The following EPHA6 variants were observed in gnomAD, a reference collection of about 807,000 sequenced individuals.
The protein encoded by EPHA6 is EPH receptor A6, also known as ephrin type-A receptor 6.
Under a neutral mutation model 112.0 loss-of-function variants are expected in EPHA6, and 50 were observed. The ratio of observed to expected loss-of-function variants is 0.45; its 90% CI spans 0.36 to 0.56. EPHA6 has a LOEUF of 0.56. EPHA6 is among the 20% of genes least tolerant of loss of function. The probability of loss-of-function intolerance (pLI) is 0.00; values close to 1 mark genes in which losing one functional copy is unlikely to be tolerated. For missense variants in EPHA6, 1,280 were observed against 1,417.4 expected (o/e 0.90, Z 1.56); for synonymous variants, 529 against 490.7 (o/e 1.08, Z -1.03).
intron 10 of EPHA6, among the ~76,000 whole-genome samples, chr3:97,484,953 T>C (rs1278729703): frequency 6.6e-6 from 1 of 152,228 alleles, no homozygotes; most frequent in East Asian, 1.9e-4. Flanking sequence ...AACAATAACA[T>C]GGACATACTT....
intron 2 of EPHA6, among the ~76,000 whole-genome samples, chr3:96,902,256 T>C (rs1190762244): frequency 2.0e-5 from 3 of 152,174 alleles, no homozygotes; most frequent in Non-Finnish European, 4.4e-5. Context: ...GTATCATCAG[T>C]CTTATCTAGT....
chr3:97,446,125 C>G (rs2090337638), intron 6 of EPHA6, among the ~76,000 whole-genome samples: 1 of 152,146 alleles, frequency 6.6e-6, no homozygotes, highest in Non-Finnish European at 1.5e-5. Context: ...CTATGCATAT[C>G]ATAGACAAAA....
At chr3:97,598,975 G>A (rs1229417567) in intron 12 of EPHA6, among the ~76,000 whole-genome samples, 1 of 151,666 alleles carries the variant, frequency 6.6e-6, no homozygotes, top group Non-Finnish European at 1.5e-5. Flanking sequence ...GTGTGAGATG[G>A]TATCTCATTG....
intron 3 of EPHA6, among the ~76,000 whole-genome samples, chr3:97,200,579 G>T (rs541751789): frequency 2.0e-5 from 3 of 152,232 alleles, no homozygotes; most frequent in African/African-American, 7.2e-5. Flanking sequence ...AAAGCATGCA[G>T]ACTCAGCATT....
rs2043067007 is a variant in EPHA6, at chr3:96,987,549, A to G, written c.670A>G (p.Met224Val). The change falls in exon 3 of 18, where the codon ATG (methionine) becomes GTG (valine). Residue 224 changes from methionine (M) to valine (V), a missense_variant. Met to Val is a conservative substitution (Grantham distance 21). Coordinates refer to ENST00000389672, the MANE Select transcript of EPHA6 (RefSeq NM_001080448.3). ...TCKETFNLFY[M>V]ESDESHGIKF... ...CAAAGAAACATTTAATCTGTTTTATATGGAATCAGATGAGTCCCACGGAAT... is the reference window on the plus strand; with the variant it reads ...CAAAGAAACATTTAATCTGTTTTATGTGGAATCAGATGAGTCCCACGGAAT... 3.7e-6 allele frequency: 6 copies of G among 1,613,800 alleles called. No individual in the cohort carries two copies. The highest frequency in any genetic ancestry group is 1.7e-5 in the Admixed American group (1 of 59,990).
intron 11 of EPHA6, among the ~76,000 whole-genome samples, chr3:97,548,143 G>A (rs371001942): frequency 2.5e-4 from 38 of 152,146 alleles, no homozygotes; most frequent in African/African-American, 6.3e-4. Flanking sequence ...AAAATCACCC[G>A]TCTTCTGTGT....
chr3:96,822,412 A>G (rs919444793), intron 1 of EPHA6, among the ~76,000 whole-genome samples: 4 of 151,810 alleles, frequency 2.6e-5, no homozygotes, highest in African/African-American at 9.7e-5. Flanking sequence ...TGAAAAATAT[A>G]TTGAGCTAGT....
chr3:97,338,548 C>T (rs1350652741), intron 5 of EPHA6, among the ~76,000 whole-genome samples: 1 of 152,108 alleles, frequency 6.6e-6, no homozygotes, highest in Non-Finnish European at 1.5e-5. Flanking sequence ...TCAAATGAAT[C>T]ATTCTGTAAA....
chr3:97,549,707 G>A (rs1560126917), intron 11 of EPHA6, among the ~76,000 whole-genome samples: 1 of 152,094 alleles, frequency 6.6e-6, no homozygotes, highest in Non-Finnish European at 1.5e-5. Context: ...CTACTCAGGA[G>A]GCTGAGGCAG....
At chr3:96,849,822 C>T (rs144788269) in intron 1 of EPHA6, among the ~76,000 whole-genome samples, 1 of 151,820 alleles carries the variant, frequency 6.6e-6, no homozygotes, top group East Asian at 1.9e-4. Flanking sequence ...GTAATAAGGC[C>T]GTTAAAAAAA....
chr3:97,608,089 A>T (rs1236663693), intron 12 of EPHA6, among the ~76,000 whole-genome samples: 2 of 140,004 alleles, frequency 1.4e-5, no homozygotes, highest in South Asian at 2.2e-4. Flanking sequence ...GAGCAATAGT[A>T]AAAAAAAAAA....
At chr3:97,607,000 G>A (rs887628956) in intron 12 of EPHA6, among the ~76,000 whole-genome samples, 1 of 150,908 alleles carries the variant, frequency 6.6e-6, no homozygotes, top group Admixed American at 6.6e-5. Flanking sequence ...TTAAATAACT[G>A]AATGACTTAA....
At chr3:97,094,512 G>A (rs1270566867) in intron 3 of EPHA6, among the ~76,000 whole-genome samples, 1 of 152,130 alleles carries the variant, frequency 6.6e-6, no homozygotes, top group Non-Finnish European at 1.5e-5. Context: ...TTGTGTTGTT[G>A]CATTAGTTTA....
chr3:96,922,379 G>T (rs1279204621), intron 2 of EPHA6, among the ~76,000 whole-genome samples: 1 of 152,112 alleles, frequency 6.6e-6, no homozygotes, highest in Non-Finnish European at 1.5e-5. Flanking sequence ...GAACTGTTCA[G>T]ATGAAAAAGG....
chr3:97,285,122 T>G (rs773648298), intron 5 of EPHA6, among the ~76,000 whole-genome samples: 6 of 152,146 alleles, frequency 3.9e-5, no homozygotes, highest in Non-Finnish European at 7.4e-5. Context: ...ATACCACGAC[T>G]CTTCATCTTT....
chr3:96,862,602 A>G (rs1048235435), intron 1 of EPHA6, among the ~76,000 whole-genome samples: 1 of 151,854 alleles, frequency 6.6e-6, no homozygotes, highest in African/African-American at 2.4e-5. Context: ...GTAATTTTTC[A>G]AAGTGATATA....
chr3:96,912,006 G>A (rs958734766), intron 2 of EPHA6, among the ~76,000 whole-genome samples: 49 of 151,902 alleles, frequency 3.2e-4, no homozygotes, highest in Middle Eastern at 3.2e-3. Flanking sequence ...CAGAAAATAT[G>A]CATCTTAAAT....
chr3:97,255,402 A>G (rs2079278262), intron 5 of EPHA6, among the ~76,000 whole-genome samples: 2 of 152,134 alleles, frequency 1.3e-5, no homozygotes, highest in African/African-American at 4.8e-5. Context: ...TATCCCAAAT[A>G]ATGTGCAGGT....
At chr3:96,849,622 T>C (rs751993183) in intron 1 of EPHA6, among the ~76,000 whole-genome samples, 11 of 152,098 alleles carry the variant, frequency 7.2e-5, no homozygotes, top group Non-Finnish European at 1.6e-4. Context: ...TTTCTCTTAT[T>C]CTTAAACTTT....
Sources: allele counts gnomAD v4.1 joint callset (sites outside exome capture counted in the v4.1 genomes callset), GRCh38; gene constraint gnomAD v4.1.1; transcripts MANE v1.5; gene names NCBI Gene and HGNC (gene_info 2026-07-23, HGNC 2026-07-21).